CHL1: variants seen among roughly 807,000 people sequenced by gnomAD.
CHL1 encodes cell adhesion molecule L1 like, also known as neural cell adhesion molecule L1-like protein.
CHL1 carries 96 observed loss-of-function variants against 141.9 expected under a neutral mutation model. The observed-to-expected ratio is 0.68, with a 90% confidence interval of 0.57 to 0.80. The LOEUF (loss-of-function observed/expected upper bound fraction) is 0.80. CHL1 is among the 30% of genes least tolerant of loss of function. CHL1 has a pLI of 0.00. For synonymous variants in CHL1, 613 were observed against 502.2 expected, an observed-to-expected ratio of 1.22 and a Z score of -2.95; for missense variants, 1,820 against 1,457.2, an observed-to-expected ratio of 1.25 and a Z score of -4.05.
At chr3:293,322 G>A (rs1364175870) in intron 2 of CHL1, among the ~76,000 whole-genome samples, 1 of 151,878 alleles carries the variant, frequency 6.6e-6, no homozygotes, top group African/African-American at 2.4e-5. Flanking sequence ...GCCAACATGG[G>A]GAAAACTTGT....
chr3:396,331 C>A (rs1708662538), intron 24 of CHL1, among the ~76,000 whole-genome samples: 1 of 152,122 alleles, frequency 6.6e-6, no homozygotes, highest in African/African-American at 2.4e-5. Context: ...AAACATGCAA[C>A]TGCCATATTT....
chr3:331,059 A>C (rs532406863), intron 5 of CHL1, among the ~76,000 whole-genome samples: 1 of 152,328 alleles, frequency 6.6e-6, no homozygotes, highest in East Asian at 1.9e-4. Context: ...ACCTCATATC[A>C]TATAAAAATC....
chr3:383,172 C>G (rs1485280773), intron 18 of CHL1, among the ~76,000 whole-genome samples: 4 of 152,114 alleles, frequency 2.6e-5, no homozygotes, highest in African/African-American at 7.2e-5. Flanking sequence ...AAAATAAATA[C>G]TCTAGGACAT....
rs531904745 is a variant in CHL1 at position 321,213 on chromosome 3, A to G, written c.91+1346A>G. On this transcript the variant is annotated intron_variant, in intron 3 of 27. Transcript: ENST00000256509. Reference sequence around the variant, plus strand: ...ACTGAAATTGTAGTTCCATCCCCCCAGGTAGAAATCCCTTCTCTATTATTT... The same window carrying G: ...ACTGAAATTGTAGTTCCATCCCCCCGGGTAGAAATCCCTTCTCTATTATTT... Among the ~76,000 whole-genome samples, 18 of 152,204 alleles carry G rather than the reference A, an allele frequency of 1.2e-4. No individual in the cohort carries two copies. In the South Asian group the frequency reaches 3.5e-3, roughly 30 times the overall value.
chr3:377,782 T>C, intron 15 of CHL1, 36 bp from the exon 16 acceptor site: 1 of 1,547,476 alleles, frequency 6.5e-7, no homozygotes. Context: ...TTCTATTGTT[T>C]TCCTTCTCAT....
At chr3:392,522 A>C (rs995938426) in intron 23 of CHL1, among the ~76,000 whole-genome samples, 1 of 152,220 alleles carries the variant, frequency 6.6e-6, no homozygotes, top group African/African-American at 2.4e-5. Context: ...TCCCTCTGAA[A>C]CAGTCGTCAA....
At chr3:382,320 A>T (rs765212146) in intron 17 of CHL1, 40 bp downstream of exon 17, 2 of 1,557,480 alleles carry the variant, frequency 1.3e-6, no homozygotes, top group Non-Finnish European at 1.8e-6. Flanking sequence ...TACTCTAGAT[A>T]GTCAAAATTA....
At chr3:205,781 A>T (rs937543829) in intron 1 of CHL1, among the ~76,000 whole-genome samples, 5 of 152,214 alleles carry the variant, frequency 3.3e-5, no homozygotes, top group African/African-American at 4.8e-5. Flanking sequence ...ATACTTAAAT[A>T]GCCACCATTG....
rs372767623 is a variant in CHL1 at position 330,052 on chromosome 3, A to G, written c.385+1698A>G. 7.2e-5 allele frequency among the ~76,000 whole-genome samples: 11 copies of G among 152,240 alleles called. No homozygotes were observed. In the East Asian group the frequency reaches 1.7e-3, roughly 24 times the overall value. ...CACAAGCTCCATCTAATGAAAACACATAGAATATTGTAACTAACACGGCAA... is the reference window on the plus strand; with the variant it reads ...CACAAGCTCCATCTAATGAAAACACGTAGAATATTGTAACTAACACGGCAA... On this transcript the variant is annotated intron_variant, in intron 5 of 27. Transcript: ENST00000256509.
At position 263,194 on chromosome 3, in the gene CHL1, C is replaced by T. The variant is rs187863675; in HGVS notation, c.-95+18502C>T. ...AAGGCCGACTCATTGACCCCAACTT[C>T]TGTCCACTCAAGTGCCCCGAGACTG... On this transcript the variant is annotated intron_variant, in intron 2 of 27. Coordinates refer to ENST00000256509, the MANE Select transcript of CHL1 (RefSeq NM_006614.4). Among the ~76,000 whole-genome samples, 458 of 152,322 alleles carry T rather than the reference C, an allele frequency of 3.0e-3. 2 individuals carry two copies. Among genetic ancestry groups the T allele is most frequent in the African/African-American group, 0.011 (443 of 41,570 alleles).
intron 15 of CHL1, among the ~76,000 whole-genome samples, chr3:376,587 G>A (rs538217823): frequency 1.3e-4 from 20 of 152,278 alleles, no homozygotes; most frequent in East Asian, 3.9e-4. Flanking sequence ...GAAACACCCC[G>A]TGCCAGGGTA....
At position 226,688 on chromosome 3, in the gene CHL1, C is replaced by G. The variant is rs971346309; in HGVS notation, c.-174-17925C>G. Among the ~76,000 whole-genome samples, 3 of 152,188 alleles carry G rather than the reference C, an allele frequency of 2.0e-5. No homozygotes were observed. The East Asian group carries it at 5.8e-4, about 29-fold the overall frequency. On this transcript the variant is annotated intron_variant, in intron 1 of 27. Transcript: ENST00000256509. ...TCTTGAACTCCTGACCTCAGCAGAT[C>G]CACCTGCCTTGACCTCCCAAAGTGC...
chr3:273,313 G>T (rs1695801332), intron 2 of CHL1, among the ~76,000 whole-genome samples: 1 of 152,138 alleles, frequency 6.6e-6, no homozygotes, highest in African/African-American at 2.4e-5. Context: ...CTTGGGAAGT[G>T]GTTAGTTTGC....
chr3:304,163 C>T (rs1287249147), intron 2 of CHL1, among the ~76,000 whole-genome samples: 1 of 152,052 alleles, frequency 6.6e-6, no homozygotes, highest in Non-Finnish European at 1.5e-5. Flanking sequence ...TGAGGATTTT[C>T]ACATCAATGT....
intron 5 of CHL1, among the ~76,000 whole-genome samples, chr3:336,566 A>G (rs900460469): frequency 6.6e-6 from 1 of 152,194 alleles, no homozygotes; most frequent in Middle Eastern, 3.4e-3. Context: ...GATGAATTCA[A>G]AGGATTCTAA....
At chr3:299,459 G>C (rs1308246729) in intron 2 of CHL1, among the ~76,000 whole-genome samples, 1 of 152,028 alleles carries the variant, frequency 6.6e-6, no homozygotes, top group Non-Finnish European at 1.5e-5. Flanking sequence ...TGGAAAATTA[G>C]GTTTGCCTCA....
intron 2 of CHL1, among the ~76,000 whole-genome samples, chr3:252,430 C>T (rs1693794064): frequency 1.4e-5 from 2 of 140,762 alleles, no homozygotes; most frequent in African/African-American, 5.2e-5. Context: ...AAATCTCACT[C>T]ATGTTTTGAT....
chr3:317,278 A>G (rs895364155), intron 2 of CHL1, among the ~76,000 whole-genome samples: 5 of 151,966 alleles, frequency 3.3e-5, no homozygotes, highest in Admixed American at 1.3e-4. Context: ...TGGGATCACC[A>G]TTACTGAATA....
chr3:345,317 C>T (rs1239662353), intron 9 of CHL1, among the ~76,000 whole-genome samples: 1 of 137,612 alleles, frequency 7.3e-6, no homozygotes, highest in Non-Finnish European at 1.6e-5. Flanking sequence ...TCCAAGGAGC[C>T]CTATTTATAT....
Sources: allele counts gnomAD v4.1 joint callset (sites outside exome capture counted in the v4.1 genomes callset), GRCh38; gene constraint gnomAD v4.1.1; transcripts MANE v1.5; gene names NCBI Gene and HGNC (gene_info 2026-07-23, HGNC 2026-07-21).